CERS6: variants seen among roughly 807,000 people sequenced by gnomAD.
CERS6 encodes ceramide synthase 6.
In CERS6, 26 loss-of-function variants were observed where a neutral mutation model predicts 56.8. The observed-to-expected ratio is 0.46, with a 90% CI of 0.34 to 0.63. The LOEUF is 0.63. CERS6 is among the 30% of genes least tolerant of loss of function. The pLI is 0.01. For missense variants in CERS6, 415 were observed against 467.5 expected, an observed-to-expected ratio of 0.89 and a Z score of 1.04; for synonymous variants, 164 against 173.3, an observed-to-expected ratio of 0.95 and a Z score of 0.42.
Position 168,769,662 on chromosome 2 carries a change from A to T in CERS6, c.1155A>T (p.Ter385TyrextTer19). The change falls in exon 10 of 10, where the codon TAA (stop) becomes TAT (tyrosine). Residue 385 changes from the stop codon to tyrosine (Y), a stop_lost. Transcript: ENST00000305747. ...CTGGCTCCTGCTCCATGGATGATTA[A>T]TTACTCAAAACTACAAGTCCCAAGC... is the stretch of plus-strand genomic sequence containing the variant. Reference protein sequence around the residue: ...LLTGSCSMDD* With the variant: ...LLTGSCSMDDY 10 of 1,610,190 alleles carry T rather than the reference A, an allele frequency of 6.2e-6. No homozygotes were observed. The highest frequency in any genetic ancestry group is 8.5e-6 in the Non-Finnish European group (10 of 1,178,798).
chr2:168,703,826 C>G (rs569610177), intron 6 of CERS6, among the ~76,000 whole-genome samples: 1 of 152,292 alleles, frequency 6.6e-6, no homozygotes, highest in Admixed American at 6.5e-5. Flanking sequence ...ATATTCTGCC[C>G]TTGAAGTTCA....
At chr2:168,552,499 C>A (rs1348740811) in intron 2 of CERS6, among the ~76,000 whole-genome samples, 2 of 151,916 alleles carry the variant, frequency 1.3e-5, no homozygotes, top group African/African-American at 4.8e-5. Flanking sequence ...ATAAAGGCTA[C>A]CTAGATTGGG....
At chr2:168,755,016 C>T (rs1228556963) in intron 8 of CERS6, among the ~76,000 whole-genome samples, 2 of 152,202 alleles carry the variant, frequency 1.3e-5, no homozygotes, top group African/African-American at 4.8e-5. Context: ...CACGCGATCC[C>T]ACCTCAGCCT....
intron 6 of CERS6, among the ~76,000 whole-genome samples, chr2:168,700,813 A>G (rs1331456077): frequency 6.6e-6 from 1 of 152,326 alleles, no homozygotes; most frequent in Admixed American, 6.5e-5. Flanking sequence ...TAAGTAGTAC[A>G]TGTACTTAGA....
intron 8 of CERS6, among the ~76,000 whole-genome samples, chr2:168,725,584 C>T (rs1683327785): frequency 6.6e-6 from 1 of 152,234 alleles, no homozygotes; most frequent in Non-Finnish European, 1.5e-5. Flanking sequence ...CAAATACATA[C>T]TTATTTTTCC....
chr2:168,569,257 C>T (rs567797044), intron 3 of CERS6, among the ~76,000 whole-genome samples: 37 of 152,278 alleles, frequency 2.4e-4, no homozygotes, highest in Non-Finnish European at 4.4e-4. Context: ...TAGAGTCCTA[C>T]CCTTATGACC....
intron 1 of CERS6, among the ~76,000 whole-genome samples, chr2:168,502,222 A>G (rs1045784728): frequency 3.9e-5 from 6 of 152,034 alleles, no homozygotes. Context: ...AGTGCTGGCT[A>G]AAATTGGATG....
intron 4 of CERS6, among the ~76,000 whole-genome samples, chr2:168,649,801 A>G (rs1351530914): frequency 6.9e-6 from 1 of 145,576 alleles, no homozygotes; most frequent in Non-Finnish European, 1.5e-5. Flanking sequence ...GCCCTCCCCT[A>G]CCCCATCACA....
At chr2:168,513,858 G>A (rs1694839486) in intron 1 of CERS6, among the ~76,000 whole-genome samples, 2 of 152,020 alleles carry the variant, frequency 1.3e-5, no homozygotes, top group African/African-American at 4.8e-5. Context: ...GGTGGAGCCG[G>A]ACCAGAGCTA....
At chr2:168,535,631 C>T (rs564387339) in intron 1 of CERS6, among the ~76,000 whole-genome samples, 4 of 147,606 alleles carry the variant, frequency 2.7e-5, no homozygotes, top group African/African-American at 7.5e-5. Flanking sequence ...TGTTTATAGT[C>T]GGCCATCTTG....
chr2:168,629,289 T>G (rs1047708083), intron 3 of CERS6, among the ~76,000 whole-genome samples: 5 of 152,202 alleles, frequency 3.3e-5, no homozygotes, highest in Non-Finnish European at 5.9e-5. Flanking sequence ...GTCTTAGAAC[T>G]GAAACAGCTG....
chr2:168,663,403 C>T (rs73026549), intron 4 of CERS6, among the ~76,000 whole-genome samples: 7,899 of 152,052 alleles, frequency 0.052, 317 homozygotes, highest in African/African-American at 0.11. Flanking sequence ...TTTAAAAAAA[C>T]TATTATAATT....
At chr2:168,631,532 A>G (rs1286627498) in intron 4 of CERS6, among the ~76,000 whole-genome samples, 2 of 119,390 alleles carry the variant, frequency 1.7e-5, no homozygotes, top group African/African-American at 6.5e-5. Context: ...ATATAAATAC[A>G]TATTAAATAT....
intron 4 of CERS6, among the ~76,000 whole-genome samples, chr2:168,640,569 A>G (rs1337204087): frequency 6.6e-6 from 1 of 152,210 alleles, no homozygotes; most frequent in Non-Finnish European, 1.5e-5. Context: ...CCCTGGTATC[A>G]TCAGTAACAT....
intron 3 of CERS6, among the ~76,000 whole-genome samples, chr2:168,575,432 C>CACTTTAAA (rs1559004644): frequency 6.6e-6 from 1 of 151,776 alleles, no homozygotes; most frequent in African/African-American, 2.4e-5. Flanking sequence ...GAGGAAGTGC[C>CACTTTAAA]ACTTCCTCAC....
intron 8 of CERS6, among the ~76,000 whole-genome samples, chr2:168,758,099 A>G (rs1276322426): frequency 6.6e-6 from 1 of 152,196 alleles, no homozygotes; most frequent in Non-Finnish European, 1.5e-5. Flanking sequence ...TTCTATCAGC[A>G]TCTACTTTAA....
intron 3 of CERS6, among the ~76,000 whole-genome samples, chr2:168,561,800 G>A (rs1695794658): frequency 6.6e-6 from 1 of 152,186 alleles, no homozygotes; most frequent in Non-Finnish European, 1.5e-5. Flanking sequence ...AGCATTGCTT[G>A]AAGTTGGGGG....
chr2:168,456,886 C>T lies in CERS6; in HGVS notation c.170+268C>T, dbSNP rs1476391499. 6.6e-6 allele frequency among the ~76,000 whole-genome samples: 1 copy of T among 152,218 alleles called. No individual in the cohort carries two copies. The highest frequency in any genetic ancestry group is 6.5e-5 in the Admixed American group (1 of 15,292). On this transcript the variant is annotated intron_variant, in intron 1 of 9. Transcript: ENST00000305747. This position sits in a 1 kb window ranked among gnomAD's most constrained non-coding sequence, Gnocchi z 4.1. ...CCCCCTGCCCTCCTCCTGGGCCCTG[C>T]TCTCCTCCCGGCAAGGGCAGGCGAA...
intron 4 of CERS6, among the ~76,000 whole-genome samples, chr2:168,659,663 A>C (rs1181026577): frequency 6.6e-6 from 1 of 151,900 alleles, no homozygotes. Context: ...CACCCGTTTG[A>C]TCATATTGTC....
Sources: gnomAD v4.1 joint callset for allele counts (sites outside exome capture counted in the v4.1 genomes callset) on GRCh38, gnomAD v4.1.1 for gene constraint, Gnocchi (gnomAD v3.1) non-coding constraint, MANE v1.5 for transcripts, NCBI Gene and HGNC (gene_info 2026-07-23, HGNC 2026-07-21) for gene names.